DTNA: variants seen among roughly 807,000 people sequenced by gnomAD.
The protein encoded by DTNA is dystrobrevin alpha.
In DTNA, 43 loss-of-function variants were observed where a neutral mutation model predicts 100.7. The ratio of observed to expected loss-of-function variants is 0.43; its 90% CI spans 0.33 to 0.55. The LOEUF (loss-of-function observed/expected upper bound fraction) is 0.55. DTNA is among the 20% of genes least tolerant of loss of function. DTNA has a pLI of 0.04. For synonymous variants in DTNA, 349 were observed against 347.9 expected, an observed-to-expected ratio of 1.00 and a Z score of -0.04; for missense variants, 798 against 953.9, an observed-to-expected ratio of 0.84 and a Z score of 2.15.
At chr18:34,873,724 C>T (rs993947720) in intron 17 of DTNA, among the ~76,000 whole-genome samples, 8 of 152,164 alleles carry the variant, frequency 5.3e-5, no homozygotes, top group African/African-American at 1.4e-4. Context: ...TAAGGCACAA[C>T]GCAAATGTGA....
chr18:34,531,544 T>C (rs1452672495), intron 1 of DTNA, among the ~76,000 whole-genome samples: 1 of 152,158 alleles, frequency 6.6e-6, no homozygotes, highest in Non-Finnish European at 1.5e-5. Flanking sequence ...TGTTATCTTT[T>C]TGTTTATTAA....
chr18:34,739,712 A>G (rs2090286366), intron 1 of DTNA, among the ~76,000 whole-genome samples: 1 of 152,144 alleles, frequency 6.6e-6, no homozygotes, highest in Non-Finnish European at 1.5e-5. Context: ...AACATCTCTA[A>G]CCAGGACCCC....
intron 3 of DTNA, among the ~76,000 whole-genome samples, chr18:34,793,035 A>G (rs2094815998): frequency 6.6e-6 from 1 of 152,240 alleles, no homozygotes; most frequent in South Asian, 2.1e-4. Context: ...AGAGAAAACT[A>G]TTGATACTTT....
At chr18:34,705,914 C>T (rs1440401135), upstream of DTNA, among the ~76,000 whole-genome samples, 1 of 152,102 alleles carries the variant, frequency 6.6e-6, no homozygotes, top group Non-Finnish European at 1.5e-5. Flanking sequence ...TTTTACATGT[C>T]TGTCTTTCAG....
In DTNA at chr18:34,703,201, G is replaced by C. The variant is rs554762193; in HGVS notation, c.-1-52775G>C. Among the ~76,000 whole-genome samples, 5 of 152,260 alleles carry C rather than the reference G, an allele frequency of 3.3e-5. No individual in the cohort carries two copies. In the East Asian group the frequency reaches 9.6e-4, roughly 29 times the overall value. Reference sequence around the variant, plus strand: ...TTTAAATACAAAACTGGTCATCACTGGGATGTAGAGCGTTCCTACATGTAC... The same window carrying C: ...TTTAAATACAAAACTGGTCATCACTCGGATGTAGAGCGTTCCTACATGTAC... On this transcript the variant is annotated intron_variant, in intron 1 of 19. Coordinates refer to the DTNA transcript ENST00000283365.
chr18:34,576,351 A>G (rs1042275200), intron 1 of DTNA, among the ~76,000 whole-genome samples: 1 of 152,210 alleles, frequency 6.6e-6, no homozygotes, highest in Non-Finnish European at 1.5e-5. Context: ...ATCAAGACAA[A>G]CTTGCAGGGA....
At chr18:34,592,140 C>T (rs2049799004) in intron 1 of DTNA, among the ~76,000 whole-genome samples, 1 of 152,152 alleles carries the variant, frequency 6.6e-6, no homozygotes, top group Admixed American at 6.5e-5. Context: ...GCAGCCACAG[C>T]TAGCTGAAAT....
At chr18:34,503,648 T>C (rs1398323166) in intron 1 of DTNA, among the ~76,000 whole-genome samples, 1 of 152,174 alleles carries the variant, frequency 6.6e-6, no homozygotes, top group Non-Finnish European at 1.5e-5. Context: ...ATTTAAACCA[T>C]TTACATTTAC....
At chr18:34,553,741 C>T (rs1304813781) in intron 1 of DTNA, among the ~76,000 whole-genome samples, 1 of 151,956 alleles carries the variant, frequency 6.6e-6, no homozygotes, top group Non-Finnish European at 1.5e-5. Context: ...TGATCTATAT[C>T]TCTGTTTTGG....
At chr18:34,632,943 T>C (rs2058249324) in intron 1 of DTNA, among the ~76,000 whole-genome samples, 1 of 152,164 alleles carries the variant, frequency 6.6e-6, no homozygotes, top group Non-Finnish European at 1.5e-5. Flanking sequence ...TGTGGTGCTA[T>C]TATTATCCCT....
At position 34,888,823 on chromosome 18, in the gene DTNA, G is replaced by A. The variant is rs2096944375; in HGVS notation, c.*1089G>A. ...TGTTTGGAGGCCTTCAGCTTTAAAT[G>A]TACAGGCTTAAAGTGCGCTTGCAAA... is the stretch of plus-strand genomic sequence containing the variant. On this transcript the variant is annotated 3_prime_UTR_variant, in exon 23 of 23. Transcript: ENST00000444659. 1 of 985,890 alleles carries A rather than the reference G, an allele frequency of 1.0e-6. No homozygotes were observed. Among genetic ancestry groups the A allele is most frequent in the Non-Finnish European group, 1.2e-6 (1 of 829,946 alleles). The allele number at this position is 985,890 out of a possible 1,614,324, so 61.1% of individuals were successfully genotyped here. A position where few individuals can be genotyped will look rare whatever the true frequency, so the allele number is the denominator to read the frequency against.
intron 1 of DTNA, among the ~76,000 whole-genome samples, chr18:34,543,514 A>G (rs2044458719): frequency 6.6e-6 from 1 of 152,078 alleles, no homozygotes; most frequent in Non-Finnish European, 1.5e-5. Context: ...AGATTAATAC[A>G]CCTGCACCTG....
At chr18:34,862,269 A>G (rs112387057) in intron 16 of DTNA, among the ~76,000 whole-genome samples, 2,035 of 152,110 alleles carry the variant, frequency 0.013, 28 homozygotes, top group African/African-American at 0.047. Flanking sequence ...ATTAAAGCAT[A>G]TAAAATTATG....
chr18:34,646,829 C>T (rs976581204), intron 1 of DTNA, among the ~76,000 whole-genome samples: 1 of 152,100 alleles, frequency 6.6e-6, no homozygotes, highest in African/African-American at 2.4e-5. Flanking sequence ...AATTCTCCTG[C>T]CTCAGCCTCC....
intron 17 of DTNA, among the ~76,000 whole-genome samples, chr18:34,865,824 G>A (rs1305520766): frequency 6.6e-6 from 1 of 152,152 alleles, no homozygotes; most frequent in African/African-American, 2.4e-5. Context: ...CAGCCATGTT[G>A]GTATCAACCT....
At chr18:34,841,949 A>G (rs2096276465) in intron 13 of DTNA, among the ~76,000 whole-genome samples, 1 of 152,198 alleles carries the variant, frequency 6.6e-6, no homozygotes, top group South Asian at 2.1e-4. Flanking sequence ...CTGTCAGATA[A>G]GTCAAATAAA....
chr18:34,529,979 T>C (rs759695451), intron 1 of DTNA, among the ~76,000 whole-genome samples: 22 of 152,180 alleles, frequency 1.4e-4, no homozygotes, highest in Non-Finnish European at 2.4e-4. Context: ...GGGGCTTTCC[T>C]AGCTTCTTTG....
chr18:34,843,165 T>C (rs1402568064), intron 13 of DTNA, among the ~76,000 whole-genome samples: 1 of 152,136 alleles, frequency 6.6e-6, no homozygotes, highest in Non-Finnish European at 1.5e-5. Flanking sequence ...AAAATCACTA[T>C]TATAGAGTAG....
chr18:34,628,278 G>A (rs1474410598), intron 1 of DTNA, among the ~76,000 whole-genome samples: 1 of 152,178 alleles, frequency 6.6e-6, no homozygotes, highest in African/African-American at 2.4e-5. Flanking sequence ...AATACAGTAA[G>A]AAGTTAGAAG....
Sources: gnomAD v4.1 joint callset for allele counts (sites outside exome capture counted in the v4.1 genomes callset) on GRCh38, gnomAD v4.1.1 for gene constraint, MANE v1.5 for transcripts, NCBI Gene and HGNC (gene_info 2026-07-23, HGNC 2026-07-21) for gene names.